Variants in SCN11A observed in about 807,000 individuals in gnomAD.
The protein encoded by SCN11A is sodium channel protein type 11 subunit alpha.
SCN11A carries 122 observed loss-of-function variants against 162.2 expected under a neutral mutation model. That is an observed-to-expected ratio of 0.75 (90% confidence interval 0.65 to 0.87). The LOEUF is 0.87. Ranked by LOEUF, SCN11A falls within the 40% of genes least tolerant of loss-of-function variation. The pLI, the probability that SCN11A is intolerant of heterozygous loss-of-function variation, is 0.00. For missense variants in SCN11A, 2,015 were observed against 2,181.6 expected, an observed-to-expected ratio of 0.92 and a Z score of 1.52; for synonymous variants, 758 against 751.5, an observed-to-expected ratio of 1.01 and a Z score of -0.14.
chr3:38,898,922 T>C (rs1460009672), intron 17 of SCN11A, among the ~76,000 whole-genome samples: 2 of 152,088 alleles, frequency 1.3e-5, no homozygotes, highest in Admixed American at 1.3e-4. Context: ...GTAATAAGCC[T>C]AAACAATGAT....
chr3:39,017,591 A>G (rs1002006556), intron 2 of SCN11A, among the ~76,000 whole-genome samples: 4 of 151,644 alleles, frequency 2.6e-5, no homozygotes, highest in Non-Finnish European at 2.9e-5. Context: ...TTCAACCATT[A>G]TTTTTTCAAG....
chr3:39,000,959 C>T (rs967644045), intron 2 of SCN11A, among the ~76,000 whole-genome samples: 2 of 152,100 alleles, frequency 1.3e-5, no homozygotes, highest in African/African-American at 2.4e-5. Flanking sequence ...ATTGCTTGAA[C>T]CTGGGAGGCA....
intron 1 of SCN11A, among the ~76,000 whole-genome samples, chr3:39,049,571 C>T (rs913105181): frequency 6.6e-6 from 1 of 152,294 alleles, no homozygotes; most frequent in East Asian, 1.9e-4. Context: ...GCTGACCCTC[C>T]CAGAGCATGG....
At chr3:38,973,549 A>G (rs1026245963) in intron 2 of SCN11A, among the ~76,000 whole-genome samples, 81 of 152,326 alleles carry the variant, frequency 5.3e-4, no homozygotes, top group Admixed American at 3.4e-3. Flanking sequence ...ATCAGTATGG[A>G]TAGTTAGATA....
rs200263815 is a variant in SCN11A, at chr3:38,974,709, A to G, written c.-279-14286T>C. Among the ~76,000 whole-genome samples the G allele has an allele frequency of 6.7e-4, 88 of 130,448 alleles. 1 individual carries two copies. Among genetic ancestry groups the G allele is most frequent in the Middle Eastern group, 4.7e-3 (1 of 212 alleles). 85.6% of individuals were successfully genotyped at this position (130,448 alleles called of 152,430 possible). A position where few individuals can be genotyped will look rare whatever the true frequency, so the allele number is the denominator to read the frequency against. On this transcript the variant is annotated intron_variant, in intron 2 of 29. Transcript: ENST00000302328. ...GACTCCGTCTCAAAAAAAAAAAAAAAAAAAGAAAAGAAAAGAAAAGAAAAG... is the reference window on the plus strand; with the variant it reads ...GACTCCGTCTCAAAAAAAAAAAAAAGAAAAGAAAAGAAAAGAAAAGAAAAG...
At chr3:38,993,204 AAC>A (rs1298558471) in intron 2 of SCN11A, among the ~76,000 whole-genome samples, 3 of 152,326 alleles carry the variant, frequency 2.0e-5, no homozygotes, top group Admixed American at 2.0e-4. Flanking sequence ...ATGGGAGAAC[AAC>A]AGTGTCCTTT....
In SCN11A at chr3:38,872,214, C is replaced by G; in HGVS notation, c.3474G>C (p.Leu1158=). ...TLRALRPLRA[L]SQFEGMKVVV... Reference sequence around the variant, plus strand: ...GTACCTTCATTCCTTCAAACTGGGACAGCGCACGAAGAGGCCTCAGTGCTC... The same window carrying G: ...GTACCTTCATTCCTTCAAACTGGGAGAGCGCACGAAGAGGCCTCAGTGCTC... Residue 1158 remains leucine, a synonymous_variant, in exon 24 of 30, where the codon CTG becomes CTC. Coordinates refer to ENST00000302328, the MANE Select transcript of SCN11A (RefSeq NM_001349253.2). 1 of 1,600,934 alleles carries G rather than the reference C, an allele frequency of 6.2e-7. No individual in the cohort carries two copies. Among genetic ancestry groups the G allele is most frequent in the East Asian group, 2.2e-5 (1 of 44,816 alleles).
At position 38,869,451 on chromosome 3, in the gene SCN11A, T is replaced by C. The variant is rs193259170; in HGVS notation, c.3813+1240A>G. On this transcript the variant is annotated intron_variant, in intron 26 of 29. Transcript: ENST00000302328. ...TACATTGTATATATAAATATTACAATGTAAACTATAATTGTTATAAACAGT... is the reference window on the plus strand; with the variant it reads ...TACATTGTATATATAAATATTACAACGTAAACTATAATTGTTATAAACAGT... Among the ~76,000 whole-genome samples, 564 of 152,284 alleles carry C rather than the reference T, an allele frequency of 3.7e-3. 5 individuals are homozygous for C. The highest frequency in any genetic ancestry group is 8.7e-3 in the African/African-American group (363 of 41,570).
chr3:39,036,827 A>G (rs1316088251), intron 1 of SCN11A, among the ~76,000 whole-genome samples: 1 of 152,264 alleles, frequency 6.6e-6, no homozygotes, highest in Non-Finnish European at 1.5e-5. Flanking sequence ...AAGACAGGCA[A>G]TAACAAATGC....
Position 38,886,109 on chromosome 3 carries a change from A to T in SCN11A, c.2949+16T>A. On this transcript the variant is annotated intron_variant, in intron 20 of 29. Coordinates refer to ENST00000302328, the MANE Select transcript of SCN11A (RefSeq NM_001349253.2). ...ATGAGCCACAAGTTCCTCTGACAACATCCTAGGAAAATTACCTTTCGGGGA... is the reference window on the plus strand; with the variant it reads ...ATGAGCCACAAGTTCCTCTGACAACTTCCTAGGAAAATTACCTTTCGGGGA... The T allele has an allele frequency of 1.3e-6, 2 of 1,553,916 alleles. No homozygotes were observed. The highest frequency in any genetic ancestry group is 2.7e-5 in the African/African-American group (2 of 73,850).
chr3:38,866,140 A>G (rs1207764100), intron 27 of SCN11A, among the ~76,000 whole-genome samples: 1 of 152,152 alleles, frequency 6.6e-6, no homozygotes, highest in African/African-American at 2.4e-5. Context: ...ATGTCCAAAG[A>G]GGGGAATGAT....
At chr3:39,051,019 C>T (rs2032344872) in intron 1 of SCN11A, among the ~76,000 whole-genome samples, 1 of 152,160 alleles carries the variant, frequency 6.6e-6, no homozygotes, top group South Asian at 2.1e-4. Flanking sequence ...TAAGTCAAAC[C>T]TAACTGTTCC....
chr3:38,978,369 G>A (rs979924807), intron 2 of SCN11A, among the ~76,000 whole-genome samples: 10 of 151,934 alleles, frequency 6.6e-5, no homozygotes, highest in South Asian at 2.1e-4. Flanking sequence ...ACTTTTCCTC[G>A]GCACGGTAGC....
intron 1 of SCN11A, among the ~76,000 whole-genome samples, chr3:39,041,779 G>C (rs574056409): frequency 6.6e-6 from 1 of 151,918 alleles, no homozygotes; most frequent in East Asian, 1.9e-4. Flanking sequence ...TGATTGAAAA[G>C]ATACACAAAT....
intron 2 of SCN11A, among the ~76,000 whole-genome samples, chr3:38,981,941 T>C (rs2030073694): frequency 6.6e-6 from 1 of 151,016 alleles, no homozygotes; most frequent in Non-Finnish European, 1.5e-5. Context: ...GAGGCAGAGG[T>C]TGCAGTGAGC....
intron 2 of SCN11A, among the ~76,000 whole-genome samples, chr3:39,027,649 G>A (rs1201851323): frequency 6.6e-6 from 1 of 152,056 alleles, no homozygotes; most frequent in Non-Finnish European, 1.5e-5. Context: ...TCACAAACCC[G>A]ACTGGGGAGG....
At chr3:38,935,912 A>C (rs1332734577) in intron 7 of SCN11A, among the ~76,000 whole-genome samples, 1 of 152,242 alleles carries the variant, frequency 6.6e-6, no homozygotes, top group Non-Finnish European at 1.5e-5. Flanking sequence ...CAGAGACACA[A>C]CCAAAAAAGA....
intron 10 of SCN11A, 120 bp from the exon 11 acceptor site, chr3:38,920,121 G>C: frequency 1.3e-6 from 1 of 755,604 alleles, no homozygotes; most frequent in Admixed American, 2.4e-5. Flanking sequence ...AATGATTAAA[G>C]GAGGTGTGTC....
Position 39,051,149 on chromosome 3 carries a change from G to C in SCN11A, c.-404+712C>G, listed in dbSNP as rs914370370. Among the ~76,000 whole-genome samples the C allele has an allele frequency of 2.6e-5, 4 of 151,758 alleles. No homozygotes were observed. The South Asian group carries it at 6.2e-4, about 24-fold the overall frequency. ...TTTTTTTTTAAACTTTTAAGTTCAG[G>C]GGTACAAGTGCAGGTTTGTTATATA... On this transcript the variant is annotated intron_variant, in intron 1 of 29. Transcript: ENST00000302328.
Sources: allele counts gnomAD v4.1 joint callset (sites outside exome capture counted in the v4.1 genomes callset), GRCh38; gene constraint gnomAD v4.1.1; transcripts MANE v1.5; gene names NCBI Gene and HGNC (gene_info 2026-07-23, HGNC 2026-07-21).